Variants in RABGAP1L observed in about 807,000 individuals in gnomAD.
RABGAP1L encodes RAB GTPase activating protein 1 like.
In RABGAP1L, 63 loss-of-function variants were observed where a neutral mutation model predicts 137.7. That is an observed-to-expected ratio of 0.46 (90% CI 0.37 to 0.56). The LOEUF (loss-of-function observed/expected upper bound fraction) is 0.56, where lower values mean the gene tolerates loss of function less well. Among genes scored for constraint, RABGAP1L ranks in the 20% least tolerant of loss-of-function variants. The pLI is 0.00. For synonymous variants in RABGAP1L, 431 were observed against 433.7 expected, an observed-to-expected ratio of 0.99 and a Z score of 0.08; for missense variants, 1,095 against 1,244.0, an observed-to-expected ratio of 0.88 and a Z score of 1.80.
In RABGAP1L at chr1:174,231,019, G is replaced by T. The variant is rs1211964416; in HGVS notation, c.332-126G>T. 6 of 633,640 alleles carry T rather than the reference G, an allele frequency of 9.5e-6. No individual in the cohort carries two copies. The Admixed American group carries it at 1.8e-4, about 19-fold the overall frequency. The allele number at this position is 633,640 out of a possible 1,614,324, so 39.3% of individuals were successfully genotyped here. A position where few individuals can be genotyped will look rare whatever the true frequency, so the allele number is the denominator to read the frequency against. Reference sequence around the variant, plus strand: ...ATCCTAAAATTTTAAAATATAAAAGGAGTGAAAATACAGAGAGACCTAGAT... The same window carrying T: ...ATCCTAAAATTTTAAAATATAAAAGTAGTGAAAATACAGAGAGACCTAGAT... On this transcript the variant is annotated intron_variant, in intron 3 of 25. Coordinates refer to ENST00000681986, the MANE Select transcript of RABGAP1L (RefSeq NM_001366446.1).
In RABGAP1L at chr1:174,671,788, G is replaced by A. The variant is rs914051806; in HGVS notation, c.1825-11734G>A. On this transcript the variant is annotated intron_variant, in intron 14 of 25. Transcript: ENST00000681986. The stretch of plus-strand genomic sequence containing the variant: ...TTCTTTTTTTGTTGTACCTTTGTCT[G>A]GTTTTGGTATCAGAGTAATGCTGGT... Among the ~76,000 whole-genome samples the A allele has an allele frequency of 3.3e-5, 5 of 152,172 alleles. No homozygotes were observed. In the East Asian group the frequency reaches 9.6e-4, roughly 29 times the overall value.
At chr1:174,351,123 A>C (rs1683147936) in intron 11 of RABGAP1L, among the ~76,000 whole-genome samples, 2 of 148,538 alleles carry the variant, frequency 1.3e-5, no homozygotes, top group Non-Finnish European at 3.0e-5. Flanking sequence ...TTTATATCTT[A>C]TTATCTTGTC....
At chr1:174,650,426 T>A (rs1467469732) in intron 14 of RABGAP1L, among the ~76,000 whole-genome samples, 1 of 152,214 alleles carries the variant, frequency 6.6e-6, no homozygotes, top group Non-Finnish European at 1.5e-5. Flanking sequence ...TTCCTCCTTG[T>A]ACCTCTGGTA....
chr1:174,601,924 C>G (rs1171536007), intron 13 of RABGAP1L, among the ~76,000 whole-genome samples: 1 of 152,122 alleles, frequency 6.6e-6, no homozygotes, highest in Non-Finnish European at 1.5e-5. Context: ...TGCCCCATTT[C>G]CCAACAAGTT....
intron 13 of RABGAP1L, among the ~76,000 whole-genome samples, chr1:174,635,381 T>C (rs1673917235): frequency 1.3e-5 from 2 of 152,220 alleles, no homozygotes; most frequent in South Asian, 2.1e-4. Context: ...TATTAACTTA[T>C]CGGAAGAGAG....
intron 13 of RABGAP1L, among the ~76,000 whole-genome samples, chr1:174,581,513 GCT>G (rs1241080332): frequency 6.6e-6 from 1 of 152,144 alleles, no homozygotes; most frequent in Non-Finnish European, 1.5e-5. Context: ...GAAAGTAGAG[GCT>G]ACCAATGGCC....
chr1:174,643,276 G>A (rs1018894358), intron 14 of RABGAP1L, among the ~76,000 whole-genome samples: 1 of 152,146 alleles, frequency 6.6e-6, no homozygotes, highest in Non-Finnish European at 1.5e-5. Context: ...GAATCAGGAA[G>A]CACTTGGACA....
At chr1:174,285,509 T>G (rs1675979022) in intron 10 of RABGAP1L, among the ~76,000 whole-genome samples, 2 of 151,118 alleles carry the variant, frequency 1.3e-5, no homozygotes, top group African/African-American at 2.4e-5. Flanking sequence ...TTTACTGAAT[T>G]TGTTCTAACC....
intron 12 of RABGAP1L, among the ~76,000 whole-genome samples, chr1:174,384,942 A>T (rs75455128): frequency 2.6e-5 from 4 of 152,192 alleles, no homozygotes; most frequent in Admixed American, 6.5e-5. Context: ...ATTCTCTATT[A>T]GGTTATACAT....
At chr1:174,763,080 G>A (rs182742557) in intron 18 of RABGAP1L, among the ~76,000 whole-genome samples, 10 of 151,840 alleles carry the variant, frequency 6.6e-5, no homozygotes, top group East Asian at 3.9e-4. Flanking sequence ...CTCCCAAAGC[G>A]CTAGGATTAC....
chr1:174,850,783 G>A (rs762429261), intron 19 of RABGAP1L, among the ~76,000 whole-genome samples: 1 of 152,152 alleles, frequency 6.6e-6, no homozygotes, highest in Non-Finnish European at 1.5e-5. Flanking sequence ...GGGCCTAATC[G>A]AATCATATGA....
chr1:174,854,468 T>C (rs186145421), intron 19 of RABGAP1L, among the ~76,000 whole-genome samples: 16 of 152,184 alleles, frequency 1.1e-4, no homozygotes, highest in African/African-American at 3.1e-4. Flanking sequence ...TTAGAAACCA[T>C]ATAAATTACT....
chr1:174,849,320 C>T (rs1379340068), intron 19 of RABGAP1L, among the ~76,000 whole-genome samples: 2 of 152,126 alleles, frequency 1.3e-5, no homozygotes, highest in Non-Finnish European at 2.9e-5. Flanking sequence ...AACACCTAAA[C>T]TGGACAGTAA....
chr1:174,488,879 T>C (rs1362604085), intron 13 of RABGAP1L, among the ~76,000 whole-genome samples: 1 of 151,652 alleles, frequency 6.6e-6, no homozygotes, highest in Non-Finnish European at 1.5e-5. Flanking sequence ...ACTCATCATT[T>C]ACATTAGGTA....
At chr1:174,727,236 T>G (rs1364522117) in intron 17 of RABGAP1L, among the ~76,000 whole-genome samples, 1 of 152,214 alleles carries the variant, frequency 6.6e-6, no homozygotes. Flanking sequence ...GAGTTTCCCT[T>G]TTACCTTATT....
intron 11 of RABGAP1L, among the ~76,000 whole-genome samples, chr1:174,314,816 A>C (rs1295052122): frequency 6.6e-6 from 1 of 152,140 alleles, no homozygotes; most frequent in African/African-American, 2.4e-5. Flanking sequence ...TCCTCTTTTT[A>C]ACAATTTCTA....
chr1:174,161,078 A>G (rs1664395951), intron 1 of RABGAP1L, among the ~76,000 whole-genome samples: 1 of 152,122 alleles, frequency 6.6e-6, no homozygotes, highest in Non-Finnish European at 1.5e-5. Context: ...TTAGCTCTAG[A>G]CTTTGAGTTA....
chr1:174,943,860 CTG>C, intron 19 of RABGAP1L, among the ~76,000 whole-genome samples: 1 of 152,274 alleles, frequency 6.6e-6, no homozygotes, highest in East Asian at 1.9e-4. Context: ...CCCCACCAGA[CTG>C]TAAACTCCTC....
At chr1:174,694,394 C>T (rs1572834180) in intron 15 of RABGAP1L, among the ~76,000 whole-genome samples, 1 of 150,796 alleles carries the variant, frequency 6.6e-6, no homozygotes, top group Non-Finnish European at 1.5e-5. Context: ...GTTCCCCTTC[C>T]TGTGTCCATG....
Sources: gnomAD v4.1 joint callset for allele counts (sites outside exome capture counted in the v4.1 genomes callset) on GRCh38, gnomAD v4.1.1 for gene constraint, MANE v1.5 for transcripts, NCBI Gene and HGNC (gene_info 2026-07-23, HGNC 2026-07-21) for gene names.